The following F2 variants were observed in gnomAD, a reference collection of about 807,000 sequenced individuals.
F2 encodes the protein coagulation factor II, thrombin.
A neutral mutation model predicts 81.9 loss-of-function variants in F2; 34 were observed. That is an observed-to-expected ratio of 0.42 (90% CI 0.32 to 0.55). F2 has a LOEUF of 0.55. Among genes scored for constraint, F2 ranks in the 20% least tolerant of loss-of-function variants. F2 has a pLI of 0.18. For synonymous variants in F2, 296 were observed against 326.4 expected (o/e 0.91, Z 1.01); for missense variants, 630 against 833.4 (o/e 0.76, Z 3.00).
In F2 at chr11:46,719,308, C is replaced by T; in HGVS notation, c.73C>T (p.Gln25Ter). The T allele has an allele frequency of 6.2e-7, 1 of 1,613,082 alleles. No homozygotes were observed. Among genetic ancestry groups the T allele is most frequent in the South Asian group, 1.1e-5 (1 of 90,920 alleles). Residue 25 changes from glutamine to a stop codon, truncating the protein, a stop_gained, in exon 1 of 14, where the codon CAG (glutamine) becomes TAG (stop). Transcript: ENST00000311907. LOFTEE classifies it high-confidence loss of function. This position sits in a 1 kb window ranked among gnomAD's most constrained non-coding sequence, Gnocchi z 4.7. The part of the protein sequence containing the change: ...LAALCSLVHS[Q>*]HVFLAPQQAR... ...TGCCCTGTGTAGCCTTGTGCACAGCCAGCATGGTAAGGGAGTGCTTGCAGG... is the reference window on the plus strand; with the variant it reads ...TGCCCTGTGTAGCCTTGTGCACAGCTAGCATGGTAAGGGAGTGCTTGCAGG...
chr11:46,736,563 G>GT (rs766547882), intron 12 of F2, among the ~76,000 whole-genome samples: 6 of 152,200 alleles, frequency 3.9e-5, no homozygotes, highest in Non-Finnish European at 7.3e-5. Flanking sequence ...CTCCCAAAGT[G>GT]TTGGGATTAC....
chr11:46,735,177 C>T (rs1179373546), intron 12 of F2, among the ~76,000 whole-genome samples: 4 of 152,122 alleles, frequency 2.6e-5, no homozygotes, highest in East Asian at 3.9e-4. Flanking sequence ...TGTGGTGGCT[C>T]ACGCCTATAA....
rs765684282 is a variant in F2 at position 46,726,733 on chromosome 11, C to T, written c.1026C>T (p.Phe342=). The T allele has an allele frequency of 1.7e-5, 27 of 1,614,230 alleles. No homozygotes were observed. The highest frequency in any genetic ancestry group is 1.6e-4 in the Middle Eastern group (1 of 6,062). ...CAGACTGTGGGCTGCGACCTCTGTT[C>T]GAGAAGAAGTCGCTGGAGGACAAAA... ...GEADCGLRPL[F]EKKSLEDKTE... Residue 342 remains phenylalanine, a synonymous_variant, in exon 9 of 14, where the codon TTC becomes TTT. Coordinates refer to ENST00000311907, the MANE Select transcript of F2 (RefSeq NM_000506.5). The surrounding 1 kb of genome is among the most constrained non-coding windows in gnomAD (Gnocchi z 5.9).
intron 12 of F2, among the ~76,000 whole-genome samples, chr11:46,734,069 AGCCACCAC>A (rs1336676681): frequency 9.2e-5 from 14 of 151,618 alleles, no homozygotes; most frequent in Admixed American, 9.2e-4. Context: ...TACAGGCATG[AGCCACCAC>A]GCCTGGCCTA....
chr11:46,720,386 ACT>A (rs2134524186), intron 2 of F2, 135 bp from the exon 3 acceptor site: 1 of 929,428 alleles, frequency 1.1e-6, no homozygotes, highest in South Asian at 1.4e-5. Context: ...AAAGTAGGAA[ACT>A]CTGCCACAAA....
intron 6 of F2, among the ~76,000 whole-genome samples, chr11:46,724,106 G>C (rs1245983807): frequency 6.6e-6 from 1 of 152,072 alleles, no homozygotes; most frequent in African/African-American, 2.4e-5. Flanking sequence ...TCCTCCCTCC[G>C]GGAAGCCCTC....
chr11:46,739,482 T>A lies in F2; in HGVS notation c.*74T>A, dbSNP rs2064965220. ...ATTTTTGTGTTTCTAAAACTATGGT[T>A]CCCAATAAAAGTGACTCTCAGCGAG... On this transcript the variant is annotated 3_prime_UTR_variant, in exon 14 of 14. Coordinates refer to ENST00000311907, the MANE Select transcript of F2 (RefSeq NM_000506.5). 1.3e-6 allele frequency: 2 copies of A among 1,598,022 alleles called. No homozygotes were observed. The highest frequency in any genetic ancestry group is 3.3e-5 in the Admixed American group (2 of 59,918).
rs1219069947 is a variant in F2, at chr11:46,729,445, C to T, written c.1538C>T (p.Ala513Val). ...GGCAACCTGAAGGAGACGTGGACAG[C>T]CAACGTTGGTAAGGGGCAGCCCAGT... ...GWGNLKETWT[A>V]NVGKGQPSVL... is the part of the protein sequence containing the mutation. Residue 513 changes from alanine to valine, a missense_variant, in exon 12 of 14, where the codon GCC becomes GTC. Ala to Val is a moderately conservative substitution (Grantham distance 64). Transcript: ENST00000311907. The T allele has an allele frequency of 1.2e-6, 2 of 1,614,144 alleles. No homozygotes were observed. Among genetic ancestry groups the T allele is most frequent in the Non-Finnish European group, 1.7e-6 (2 of 1,180,036 alleles).
intron 12 of F2, among the ~76,000 whole-genome samples, chr11:46,735,149 A>G (rs1253544847): frequency 6.6e-6 from 1 of 152,166 alleles, no homozygotes; most frequent in Non-Finnish European, 1.5e-5. Flanking sequence ...CTGTCTCTAC[A>G]AGAAAATATT....
chr11:46,735,626 TAAA>T (rs1219465815), intron 12 of F2, among the ~76,000 whole-genome samples: 1 of 131,450 alleles, frequency 7.6e-6, no homozygotes, highest in South Asian at 2.5e-4. Context: ...CTGTTTCTAT[TAAA>T]AAAAAAAAAT....
chr11:46,721,380 C>T (rs2064835460), intron 4 of F2, among the ~76,000 whole-genome samples: 7 of 152,082 alleles, frequency 4.6e-5, no homozygotes, highest in Admixed American at 4.6e-4. Context: ...TTGCCTGACC[C>T]GAGTCTCTGC....
chr11:46,720,695 A>T, intron 3 of F2, 95 bp from the exon 4 acceptor site: 1 of 1,530,528 alleles, frequency 6.5e-7, no homozygotes, highest in Non-Finnish European at 9.1e-7. Flanking sequence ...CTGTTCATCC[A>T]TCTTTCTGTT....
intron 12 of F2, among the ~76,000 whole-genome samples, chr11:46,730,613 A>G (rs1045733075): frequency 6.6e-6 from 1 of 151,842 alleles, no homozygotes; most frequent in Admixed American, 6.6e-5. Context: ...GTGAGATGGG[A>G]AGTTATTGAG....
rs527397741 is a variant in F2 at position 46,726,856 on chromosome 11, C to T, written c.1130+19C>T. 1.9e-5 allele frequency: 30 copies of T among 1,613,220 alleles called. No homozygotes were observed. The highest frequency in any genetic ancestry group is 1.7e-4 in the Middle Eastern group (1 of 6,060). On this transcript the variant is annotated intron_variant, in intron 9 of 13. Transcript: ENST00000311907. The surrounding 1 kb of genome is among the most constrained non-coding windows in gnomAD (Gnocchi z 5.9). Reference sequence around the variant, plus strand: ...CACCTTGGTGTGTCCTGGAGCCCTGCGCTACCATTCACTCCTGGGGGCAGG... The same window carrying T: ...CACCTTGGTGTGTCCTGGAGCCCTGTGCTACCATTCACTCCTGGGGGCAGG...
rs1333961503 is a variant in F2 at position 46,720,854 on chromosome 11, A to G, written c.316+14A>G. On this transcript the variant is annotated intron_variant, in intron 4 of 13. Coordinates refer to ENST00000311907, the MANE Select transcript of F2 (RefSeq NM_000506.5). ...CATGTCTGGAAGGTGAGCAACTGAC[A>G]CGGGTTTGGGGAGCAGGACATGGAG... is the stretch of plus-strand genomic sequence containing the variant. 6.2e-7 allele frequency: 1 copy of G among 1,613,390 alleles called. No individual in the cohort carries two copies. The highest frequency in any genetic ancestry group is 1.7e-5 in the Admixed American group (1 of 59,994).
chr11:46,732,437 A>G (rs2064919417), intron 12 of F2, among the ~76,000 whole-genome samples: 1 of 149,792 alleles, frequency 6.7e-6, no homozygotes, highest in Non-Finnish European at 1.5e-5. Flanking sequence ...CATGTTGCCC[A>G]GGCTGGATGG....
intron 3 of F2, 105 bp from the exon 4 acceptor site, chr11:46,720,685 C>T: frequency 6.6e-7 from 1 of 1,506,452 alleles, no homozygotes; most frequent in Non-Finnish European, 9.2e-7. Flanking sequence ...TCCCTCCCAT[C>T]TGTTCATCCA....
chr11:46,719,852 C>T lies in F2; in HGVS notation c.230C>T (p.Ser77Phe), dbSNP rs1310864590. The change falls in exon 2 of 14, where the codon TCC becomes TTC. Residue 77 changes from serine (S) to phenylalanine (F), a missense_variant. Coordinates refer to ENST00000311907, the MANE Select transcript of F2 (RefSeq NM_000506.5). This position sits in a 1 kb window ranked among gnomAD's most constrained non-coding sequence, Gnocchi z 4.7. ...YEEAFEALESSTATDVFWAKY... is the reference protein window; with the variant it reads ...YEEAFEALESFTATDVFWAKY... ...GAGGCCTTCGAGGCTCTGGAGTCCT[C>T]CACGGCTACGGTGAGCCTGGGCTGC... 2 of 1,568,028 alleles carry T rather than the reference C, an allele frequency of 1.3e-6. No individual in the cohort carries two copies. The highest frequency in any genetic ancestry group is 1.4e-5 in the African/African-American group (1 of 73,918).
chr11:46,721,911 C>T (rs1052605405), intron 4 of F2, among the ~76,000 whole-genome samples: 3 of 151,114 alleles, frequency 2.0e-5, no homozygotes, highest in East Asian at 3.9e-4. Context: ...AGCGCGATCT[C>T]GGCTCGCTGC....
Sources: allele counts gnomAD v4.1 joint callset (sites outside exome capture counted in the v4.1 genomes callset), GRCh38; gene constraint gnomAD v4.1.1; non-coding constraint Gnocchi (gnomAD v3.1); transcripts MANE v1.5; gene names NCBI Gene and HGNC (gene_info 2026-07-23, HGNC 2026-07-21).